OSBPL3: variants seen among roughly 807,000 people sequenced by gnomAD.
OSBPL3 encodes oxysterol binding protein like 3, also known as oxysterol-binding protein-related protein 3.
In OSBPL3, 65 loss-of-function variants were observed where a neutral mutation model predicts 120.1. The observed-to-expected ratio is 0.54, with a 90% CI of 0.44 to 0.67. The LOEUF (loss-of-function observed/expected upper bound fraction) is 0.67. Ranked by LOEUF, OSBPL3 falls within the 30% of genes least tolerant of loss-of-function variation. The pLI, the probability that OSBPL3 is intolerant of heterozygous loss-of-function variation, is 0.00. For synonymous variants in OSBPL3, 416 were observed against 402.6 expected (o/e 1.03, Z -0.40); for missense variants, 1,004 against 1,082.1 (o/e 0.93, Z 1.01).
At chr7:24,917,790 T>TTTTA (rs1224662292) in intron 1 of OSBPL3, among the ~76,000 whole-genome samples, 1 of 152,110 alleles carries the variant, frequency 6.6e-6, no homozygotes, top group Non-Finnish European at 1.5e-5. Context: ...CTCTTAAACA[T>TTTTA]TCACTCTTAA....
At chr7:24,923,386 T>C (rs757683393) in intron 1 of OSBPL3, among the ~76,000 whole-genome samples, 1 of 152,224 alleles carries the variant, frequency 6.6e-6, no homozygotes, top group Non-Finnish European at 1.5e-5. Context: ...GCCACTGTGC[T>C]GACCTAGCTG....
rs112808231 is a variant in OSBPL3, at chr7:24,938,175, G to A, written c.-150+41711C>T. 6.1e-3 allele frequency among the ~76,000 whole-genome samples: 931 copies of A among 152,250 alleles called. 9 individuals are homozygous for A. The highest frequency in any genetic ancestry group is 0.021 in the African/African-American group (887 of 41,530). ...GTATTAGGAGTTGGAGCCTTTGGGC[G>A]GTGATCAAGTCATGAGGGCTCCCCC... On this transcript the variant is annotated intron_variant, in intron 1 of 22. Transcript: ENST00000313367. This position sits in a 1 kb window ranked among gnomAD's most constrained non-coding sequence, Gnocchi z 5.8.
intron 2 of OSBPL3, among the ~76,000 whole-genome samples, chr7:24,886,223 A>G (rs1038538897): frequency 1.3e-4 from 20 of 152,220 alleles, no homozygotes; most frequent in African/African-American, 4.8e-4. Context: ...TCGCAGCTAA[A>G]AAGCTTAGAC....
chr7:24,897,309 G>T (rs1386649122), intron 1 of OSBPL3, among the ~76,000 whole-genome samples: 1 of 145,746 alleles, frequency 6.9e-6, no homozygotes, highest in African/African-American at 2.5e-5. Flanking sequence ...AACAAATAAA[G>T]ATGGCAGAAT....
intron 1 of OSBPL3, among the ~76,000 whole-genome samples, chr7:24,905,521 T>C (rs1353858918): frequency 6.6e-6 from 1 of 152,178 alleles, no homozygotes; most frequent in African/African-American, 2.4e-5. Context: ...AGATCAATTA[T>C]TACCAACCCT....
chr7:24,836,054 T>C (rs1374455238), intron 14 of OSBPL3, among the ~76,000 whole-genome samples: 1 of 152,168 alleles, frequency 6.6e-6, no homozygotes, highest in East Asian at 1.9e-4. Context: ...CCTGCACATG[T>C]ACCCCTGAAC....
Position 24,938,261 on chromosome 7 carries a change from C to T in OSBPL3, c.-150+41625G>A, listed in dbSNP as rs1055730203. Among the ~76,000 whole-genome samples the T allele has an allele frequency of 7.9e-5, 12 of 152,192 alleles. No individual in the cohort carries two copies. The highest frequency in any genetic ancestry group is 1.5e-4 in the Non-Finnish European group (10 of 68,034). On this transcript the variant is annotated intron_variant, in intron 1 of 22. Transcript: ENST00000313367. The surrounding 1 kb of genome is among the most constrained non-coding windows in gnomAD (Gnocchi z 5.8). ...CAGAGAGCTGTCTTGCCTTCCACCA[C>T]GTGAGGACACAAAGAAGGCATCATC... is the stretch of plus-strand genomic sequence containing the variant.
chr7:24,914,023 T>C (rs992820052), intron 1 of OSBPL3, among the ~76,000 whole-genome samples: 7 of 152,168 alleles, frequency 4.6e-5, no homozygotes, highest in African/African-American at 2.4e-5. Context: ...CAGAGGGTTG[T>C]TCTTTTAATA....
chr7:24,907,111 T>C (rs1207088733), intron 1 of OSBPL3, among the ~76,000 whole-genome samples: 3 of 152,156 alleles, frequency 2.0e-5, no homozygotes, highest in Admixed American at 6.5e-5. Flanking sequence ...CACCCCCCAA[T>C]GTGTTTTATA....
intron 16 of OSBPL3, among the ~76,000 whole-genome samples, chr7:24,828,917 TCTTG>T (rs775434032): frequency 5.3e-5 from 8 of 152,324 alleles, no homozygotes; most frequent in Admixed American, 2.0e-4. Flanking sequence ...CAGTTCTCTT[TCTTG>T]CTTATTTCAT....
rs1812873905 is a variant in OSBPL3 at position 24,939,837 on chromosome 7, A to G, written c.-150+40049T>C. ...ACAGGGGGCTATAACTAAAGTTAGGAGGGTGGGAGGAAAGAGGAGGGAGAG... is the reference window on the plus strand; with the variant it reads ...ACAGGGGGCTATAACTAAAGTTAGGGGGGTGGGAGGAAAGAGGAGGGAGAG... On this transcript the variant is annotated intron_variant, in intron 1 of 22. Coordinates refer to ENST00000313367, the MANE Select transcript of OSBPL3 (RefSeq NM_015550.4). This position sits in a 1 kb window ranked among gnomAD's most constrained non-coding sequence, Gnocchi z 4.2. 6.6e-6 allele frequency among the ~76,000 whole-genome samples: 1 copy of G among 152,102 alleles called. No homozygotes were observed. The highest frequency in any genetic ancestry group is 1.5e-5 in the Non-Finnish European group (1 of 67,992).
chr7:24,801,948 T>C (rs1339468876), intron 22 of OSBPL3, among the ~76,000 whole-genome samples: 2 of 152,352 alleles, frequency 1.3e-5, no homozygotes, highest in Non-Finnish European at 1.5e-5. Flanking sequence ...AAACTCTAGC[T>C]CGGCATGTTA....
intron 1 of OSBPL3, among the ~76,000 whole-genome samples, chr7:24,943,393 CA>C (rs1813324047): frequency 6.6e-6 from 1 of 152,066 alleles, no homozygotes; most frequent in Non-Finnish European, 1.5e-5. Context: ...AAAGGAAGGA[CA>C]AAAAACATTT....
At position 24,912,417 on chromosome 7, in the gene OSBPL3, T is replaced by G. The variant is rs147105459; in HGVS notation, c.-149-19796A>C. 2.0e-5 allele frequency among the ~76,000 whole-genome samples: 3 copies of G among 152,224 alleles called. No individual in the cohort carries two copies. The highest frequency in any genetic ancestry group is 4.4e-5 in the Non-Finnish European group (3 of 68,036). On this transcript the variant is annotated intron_variant, in intron 1 of 22. Transcript: ENST00000313367. The surrounding 1 kb of genome is among the most constrained non-coding windows in gnomAD (Gnocchi z 4.5). Reference sequence around the variant, plus strand: ...TTGATCTTCCTTGCATATTCCCCTATGTTGCAGATTCACTGCAGACATCCA... The same window carrying G: ...TTGATCTTCCTTGCATATTCCCCTAGGTTGCAGATTCACTGCAGACATCCA...
At position 24,813,704 on chromosome 7, in the gene OSBPL3, A is replaced by G. The variant is rs1794119661; in HGVS notation, c.2172+1355T>C. Reference sequence around the variant, plus strand: ...GAGAGGCATTGCATGAAGTTCCACAATAAAACCTCATCTCTCTGCTTATTA... The same window carrying G: ...GAGAGGCATTGCATGAAGTTCCACAGTAAAACCTCATCTCTCTGCTTATTA... On this transcript the variant is annotated intron_variant, in intron 19 of 22. Coordinates refer to ENST00000313367, the MANE Select transcript of OSBPL3 (RefSeq NM_015550.4). This position sits in a 1 kb window ranked among gnomAD's most constrained non-coding sequence, Gnocchi z 4.5. Among the ~76,000 whole-genome samples, 1 of 152,198 alleles carries G rather than the reference A, an allele frequency of 6.6e-6. No homozygotes were observed. Among genetic ancestry groups the G allele is most frequent in the Non-Finnish European group, 1.5e-5 (1 of 68,036 alleles).
chr7:24,940,314 AAC>A lies in OSBPL3; in HGVS notation c.-150+39570_-150+39571del, dbSNP rs891876864. 2.6e-5 allele frequency among the ~76,000 whole-genome samples: 4 copies of A among 152,204 alleles called. No individual in the cohort carries two copies. The highest frequency in any genetic ancestry group is 9.6e-5 in the African/African-American group (4 of 41,452). Reference sequence around the variant, plus strand: ...CAGAAGAAGTGGACTGTTGTGTTGAAACACAGTTGGAGAAAGAAATGAATCCT... The same window carrying A: ...CAGAAGAAGTGGACTGTTGTGTTGAAACAGTTGGAGAAAGAAATGAATCCT... On this transcript the variant is annotated intron_variant, in intron 1 of 22. Coordinates refer to ENST00000313367, the MANE Select transcript of OSBPL3 (RefSeq NM_015550.4). This position sits in a 1 kb window ranked among gnomAD's most constrained non-coding sequence, Gnocchi z 4.4.
chr7:24,945,104 G>A (rs1018493163), intron 1 of OSBPL3, among the ~76,000 whole-genome samples: 1 of 152,048 alleles, frequency 6.6e-6, no homozygotes, highest in Non-Finnish European at 1.5e-5. Context: ...ATTATCTTAA[G>A]TAATATTATC....
Position 24,824,063 on chromosome 7 carries a change from T to G in OSBPL3, c.1885-3825A>C, listed in dbSNP as rs1283582865. On this transcript the variant is annotated intron_variant, in intron 16 of 22. Coordinates refer to ENST00000313367, the MANE Select transcript of OSBPL3 (RefSeq NM_015550.4). This position sits in a 1 kb window ranked among gnomAD's most constrained non-coding sequence, Gnocchi z 4.9. ...CTGTTGAATAAACCCAATTTAGACT[T>G]TTTTTTTAAGCATTCTTCCCTATCA... 6.6e-6 allele frequency among the ~76,000 whole-genome samples: 1 copy of G among 151,940 alleles called. No homozygotes were observed. Among genetic ancestry groups the G allele is most frequent in the Non-Finnish European group, 1.5e-5 (1 of 67,984 alleles).
chr7:24,802,703 A>C lies in OSBPL3; in HGVS notation c.2567+1612T>G, dbSNP rs144071144. ...ACCATTTTTAATGATCCTAAAAAGT[A>C]CTGTAATGAACATCTTCATAATTGT... On this transcript the variant is annotated intron_variant, in intron 22 of 22. Transcript: ENST00000313367. The surrounding 1 kb of genome is among the most constrained non-coding windows in gnomAD (Gnocchi z 4.1). Among the ~76,000 whole-genome samples, 9 of 152,330 alleles carry C rather than the reference A, an allele frequency of 5.9e-5. No individual in the cohort carries two copies. The East Asian group carries it at 1.7e-3, about 29-fold the overall frequency.
Sources: allele counts gnomAD v4.1 joint callset (sites outside exome capture counted in the v4.1 genomes callset), GRCh38; gene constraint gnomAD v4.1.1; non-coding constraint Gnocchi (gnomAD v3.1); transcripts MANE v1.5; gene names NCBI Gene and HGNC (gene_info 2026-07-23, HGNC 2026-07-21).